Variants in RAB2A observed in about 807,000 individuals in gnomAD.
RAB2A encodes the protein ras-related protein Rab-2A.
Under a neutral mutation model 32.5 loss-of-function variants are expected in RAB2A, and 7 were observed. The ratio of observed to expected loss-of-function variants is 0.22; its 90% confidence interval spans 0.12 to 0.40. The LOEUF (loss-of-function observed/expected upper bound fraction) is 0.40. Ranked by LOEUF, RAB2A falls within the 10% of genes least tolerant of loss-of-function variation. RAB2A has a pLI of 1.00. For missense variants in RAB2A, 108 were observed against 260.7 expected, an observed-to-expected ratio of 0.41 and a Z score of 4.03; for synonymous variants, 79 against 85.2, an observed-to-expected ratio of 0.93 and a Z score of 0.40.
intron 1 of RAB2A, among the ~76,000 whole-genome samples, chr8:60,539,956 A>G (rs1807614237): frequency 6.6e-6 from 1 of 152,004 alleles, no homozygotes; most frequent in Admixed American, 6.6e-5. Context: ...TAAGGCTGGA[A>G]AGATAAATCC....
In RAB2A at chr8:60,584,749, C is replaced by A. The variant is rs770388750; in HGVS notation, c.296C>A (p.Thr99Asn). ...TRRDTFNHLT[T>N]WLEDARQHSN... ...AGAGATACATTCAACCACTTGACAA[C>A]CTGGTTAGAAGATGCCCGCCAGCAT... Residue 99 changes from threonine (T) to asparagine (N), a missense_variant, in exon 5 of 8, where the codon ACC becomes AAC. By Grantham distance (65) the Thr-to-Asn change is moderately conservative. Around this residue, in one of 4 missense-constraint regions of RAB2A, gnomAD observed 79 missense variants for 199.8 expected, o/e 0.40. Transcript: ENST00000262646. 1 of 1,613,064 alleles carries A rather than the reference C, an allele frequency of 6.2e-7. No homozygotes were observed. Among genetic ancestry groups the A allele is most frequent in the Non-Finnish European group, 8.5e-7 (1 of 1,179,348 alleles).
intron 6 of RAB2A, among the ~76,000 whole-genome samples, chr8:60,597,923 G>A (rs966347380): frequency 9.7e-6 from 1 of 103,038 alleles, no homozygotes; most frequent in Non-Finnish European, 1.7e-5. Context: ...ACATAAATGT[G>A]ACAACTTAGA....
intron 6 of RAB2A, among the ~76,000 whole-genome samples, chr8:60,598,591 A>G (rs1487126610): frequency 6.6e-6 from 1 of 152,186 alleles, no homozygotes; most frequent in South Asian, 2.1e-4. Context: ...GGTTTATTCC[A>G]GGGATGCAAG....
chr8:60,617,048 C>A, intron 6 of RAB2A, among the ~76,000 whole-genome samples: 1 of 152,096 alleles, frequency 6.6e-6, no homozygotes, highest in East Asian at 1.9e-4. Context: ...GTATAGCTTT[C>A]TTTTATGAAT....
intron 2 of RAB2A, among the ~76,000 whole-genome samples, chr8:60,566,226 T>A (rs1289692776): frequency 6.6e-6 from 1 of 152,218 alleles, no homozygotes; most frequent in Admixed American, 6.5e-5. Flanking sequence ...ATTTGCACTT[T>A]CCCCACTGAT....
intron 2 of RAB2A, among the ~76,000 whole-genome samples, chr8:60,563,582 G>A (rs1042315084): frequency 5.3e-5 from 8 of 151,988 alleles, no homozygotes; most frequent in African/African-American, 1.7e-4. Context: ...ACTTCTCCCC[G>A]CCGTGTGATC....
chr8:60,589,774 C>T (rs1351498459), intron 5 of RAB2A, among the ~76,000 whole-genome samples: 1 of 152,006 alleles, frequency 6.6e-6, no homozygotes, highest in East Asian at 1.9e-4. Flanking sequence ...AGTACTATGG[C>T]TTTTGAGTTT....
chr8:60,547,520 G>A (rs1423082911), intron 1 of RAB2A, among the ~76,000 whole-genome samples: 1 of 151,236 alleles, frequency 6.6e-6, no homozygotes, highest in South Asian at 2.1e-4. Flanking sequence ...CTGGCCGGAC[G>A]GGGGGCTGAC....
chr8:60,541,507 G>A lies in RAB2A; in HGVS notation c.47-17345G>A, dbSNP rs535126584. Among the ~76,000 whole-genome samples the A allele has an allele frequency of 3.3e-5, 5 of 152,270 alleles. No homozygotes were observed. In the South Asian group the frequency reaches 1.0e-3, roughly 32 times the overall value. On this transcript the variant is annotated intron_variant, in intron 1 of 7. Transcript: ENST00000262646. ...AGTTCCAGATCAGCCTGGCCAACAT[G>A]ATGAAACCCCATCTCTACTAAAAAT...
intron 6 of RAB2A, among the ~76,000 whole-genome samples, chr8:60,609,499 C>A (rs1804298851): frequency 6.6e-6 from 1 of 152,168 alleles, no homozygotes; most frequent in African/African-American, 2.4e-5. Context: ...TCTGCAACCC[C>A]CACATGGTAG....
At chr8:60,566,022 T>C (rs1808107812) in intron 2 of RAB2A, among the ~76,000 whole-genome samples, 1 of 152,180 alleles carries the variant, frequency 6.6e-6, no homozygotes, top group South Asian at 2.1e-4. Context: ...CCTCTGTAGC[T>C]GATTTTTAAA....
chr8:60,560,349 A>G (rs1808002671), intron 2 of RAB2A, among the ~76,000 whole-genome samples: 1 of 152,168 alleles, frequency 6.6e-6, no homozygotes, highest in South Asian at 2.1e-4. Context: ...TTGGCCTCCC[A>G]AAGTGCTGGG....
intron 2 of RAB2A, among the ~76,000 whole-genome samples, chr8:60,563,932 A>G (rs1165186137): frequency 2.0e-5 from 3 of 152,130 alleles, no homozygotes; most frequent in African/African-American, 7.2e-5. Context: ...TCTCGTGGCT[A>G]AACCATAGGT....
chr8:60,591,603 C>T (rs1803946563), intron 5 of RAB2A: 2 of 287,338 alleles, frequency 7.0e-6, no homozygotes, highest in Non-Finnish European at 6.7e-6. Flanking sequence ...TAGAGGCTCC[C>T]TTAAGTTACG....
chr8:60,557,283 A>G (rs553765615), intron 1 of RAB2A, among the ~76,000 whole-genome samples: 1 of 152,242 alleles, frequency 6.6e-6, no homozygotes, highest in African/African-American at 2.4e-5. Flanking sequence ...TGGGACGCCG[A>G]GGGGGATGGA....
At position 60,562,857 on chromosome 8, in the gene RAB2A, A is replaced by G. The variant is rs1313935119; in HGVS notation, c.118+3934A>G. On this transcript the variant is annotated intron_variant, in intron 2 of 7. Coordinates refer to ENST00000262646, the MANE Select transcript of RAB2A (RefSeq NM_002865.3). ...GCCACTACCACTTATGTAGAGTTGC[A>G]TATATACATTGAAAGGGTATTCAGT... 5.3e-5 allele frequency among the ~76,000 whole-genome samples: 8 copies of G among 152,268 alleles called. No individual in the cohort carries two copies. In the East Asian group the frequency reaches 1.5e-3, roughly 29 times the overall value.
chr8:60,535,943 A>G (rs1392965840), intron 1 of RAB2A, among the ~76,000 whole-genome samples: 1 of 152,128 alleles, frequency 6.6e-6, no homozygotes, highest in Non-Finnish European at 1.5e-5. Flanking sequence ...AGGGAGCTCA[A>G]AGAAGAGTGC....
intron 2 of RAB2A, chr8:60,569,841 C>CG (rs1808170926): frequency 2.6e-6 from 1 of 382,664 alleles, no homozygotes; most frequent in Middle Eastern, 3.7e-4. Context: ...AATAAAGAGA[C>CG]GAACATACTA....
rs1342021378 is a variant in RAB2A at position 60,622,551 on chromosome 8, A to G, written c.*1782A>G. On this transcript the variant is annotated 3_prime_UTR_variant, in exon 8 of 8. Transcript: ENST00000262646. ...GTGAGTACAAAAAGTTAAGGCAACT[A>G]GGACAGGTACTGCTCTATACCAAGA... 1.3e-5 allele frequency: 2 copies of G among 152,214 alleles called. No individual in the cohort carries two copies. Among genetic ancestry groups the G allele is most frequent in the Non-Finnish European group, 2.9e-5 (2 of 68,036 alleles). The allele number at this position is 152,214 out of a possible 1,614,324, so 9.4% of individuals were successfully genotyped here.
Sources: gnomAD v4.1 joint callset for allele counts (sites outside exome capture counted in the v4.1 genomes callset) on GRCh38, gnomAD v4.1.1 for gene constraint, gnomAD v4.1.1 regional missense constraint, MANE v1.5 for transcripts, NCBI Gene and HGNC (gene_info 2026-07-23, HGNC 2026-07-21) for gene names.